Variants in RAB38 observed in about 807,000 individuals in gnomAD.
The protein encoded by RAB38 is ras-related protein Rab-38.
RAB38 carries 15 observed loss-of-function variants against 18.4 expected under a neutral mutation model. The observed-to-expected ratio is 0.82, with a 90% confidence interval of 0.55 to 1.26. The LOEUF is 1.26. RAB38 is among the 50% of genes most tolerant of loss of function. The pLI, the probability that RAB38 is intolerant of heterozygous loss-of-function variation, is 0.00. For synonymous variants in RAB38, 101 were observed against 104.4 expected, an observed-to-expected ratio of 0.97 and a Z score of 0.20; for missense variants, 294 against 267.4, an observed-to-expected ratio of 1.10 and a Z score of -0.69.
the RAB38 span, among the ~76,000 whole-genome samples, chr11:87,819,717 C>T: frequency 8.2e-3 from 11 of 1,338 alleles, no homozygotes; most frequent in African/African-American, 0.02. Flanking sequence ...TATATATATA[C>T]GTGTATGTAT....
chr11:88,174,015 G>C, intron 1 of RAB38: 1 of 985,388 alleles, frequency 1.0e-6, no homozygotes, highest in African/African-American at 1.7e-5. Context: ...TGGCTAGTTT[G>C]GGTCCAGCAC....
chr11:87,861,052 G>A, the RAB38 span, among the ~76,000 whole-genome samples: 3 of 151,990 alleles, frequency 2.0e-5, no homozygotes, highest in Non-Finnish European at 4.4e-5. Flanking sequence ...AAATCTTTAG[G>A]AGAACAACGT....
At chr11:87,819,403 C>G in the RAB38 span, among the ~76,000 whole-genome samples, 1 of 151,332 alleles carries the variant, frequency 6.6e-6, no homozygotes, top group Non-Finnish European at 1.5e-5. Context: ...TCCATAGCAA[C>G]AGGCCACTGA....
At chr11:87,870,585 G>T in the RAB38 span, among the ~76,000 whole-genome samples, 1 of 151,520 alleles carries the variant, frequency 6.6e-6, no homozygotes, top group South Asian at 2.1e-4. Context: ...TTTTAGTTCG[G>T]TGTTTCTAAG....
At chr11:88,028,477 TTGAAAAAA>T in the RAB38 span, among the ~76,000 whole-genome samples, 1 of 152,040 alleles carries the variant, frequency 6.6e-6, no homozygotes, top group African/African-American at 2.4e-5. Context: ...GTTGAAAACT[TTGAAAAAA>T]ATTTAGAAGA....
chr11:87,879,237 G>A, the RAB38 span, among the ~76,000 whole-genome samples: 3 of 151,254 alleles, frequency 2.0e-5, no homozygotes, highest in Non-Finnish European at 4.4e-5. Context: ...TCATGGATAC[G>A]GACTGTATAC....
the RAB38 span, among the ~76,000 whole-genome samples, chr11:87,882,568 T>A: frequency 6.6e-6 from 1 of 151,878 alleles, no homozygotes; most frequent in African/African-American, 2.4e-5. Context: ...CTAGACACTG[T>A]GTTAAATAAT....
the RAB38 span, chr11:87,917,957 A>G: frequency 6.6e-6 from 1 of 152,064 alleles, no homozygotes; most frequent in Non-Finnish European, 1.5e-5. Context: ...AAATTACACC[A>G]TACTGACACA....
At chr11:88,160,828 T>C (rs750870716) in intron 1 of RAB38, among the ~76,000 whole-genome samples, 22 of 152,024 alleles carry the variant, frequency 1.4e-4, no homozygotes, top group Admixed American at 4.6e-4. Flanking sequence ...CAGGCACTAC[T>C]GGAGTGAGAA....
At chr11:87,853,973 T>C in the RAB38 span, among the ~76,000 whole-genome samples, 1 of 152,192 alleles carries the variant, frequency 6.6e-6, no homozygotes. Context: ...CTGGGATTCA[T>C]GTCCCTCTCC....
chr11:88,033,980 G>T, the RAB38 span, among the ~76,000 whole-genome samples: 2 of 152,000 alleles, frequency 1.3e-5, no homozygotes, highest in African/African-American at 4.8e-5. Context: ...GCCCACCTCG[G>T]CCTCCCAAAG....
chr11:87,809,443 G>A, the RAB38 span, among the ~76,000 whole-genome samples: 1 of 152,146 alleles, frequency 6.6e-6, no homozygotes, highest in African/African-American at 2.4e-5. Context: ...GCCAACTTGC[G>A]CTTCCAGCAA....
At chr11:88,174,633 A>AC (rs1270072915) in intron 1 of RAB38, among the ~76,000 whole-genome samples, 7 of 148,954 alleles carry the variant, frequency 4.7e-5, no homozygotes, top group Non-Finnish European at 1.0e-4. Flanking sequence ...AAAAAAAAAA[A>AC]AAAAAAAACA....
chr11:88,166,989 T>G (rs1045019729), intron 1 of RAB38: 2 of 152,168 alleles, frequency 1.3e-5, no homozygotes, highest in Non-Finnish European at 2.9e-5. Context: ...TCCTACCACA[T>G]GTCCAAATAC....
the RAB38 span, among the ~76,000 whole-genome samples, chr11:88,043,722 G>C: frequency 1.3e-5 from 2 of 151,048 alleles, no homozygotes; most frequent in African/African-American, 4.9e-5. Context: ...GACTCAGCCC[G>C]CCTGCACCCA....
chr11:88,108,554 T>A (rs1342600082), downstream of RAB38, among the ~76,000 whole-genome samples: 1 of 152,172 alleles, frequency 6.6e-6, no homozygotes, highest in African/African-American at 2.4e-5. Flanking sequence ...ATGAGATGGG[T>A]CTCCTGAATA....
the RAB38 span, among the ~76,000 whole-genome samples, chr11:87,957,302 C>T: frequency 6.6e-6 from 1 of 152,070 alleles, no homozygotes; most frequent in African/African-American, 2.4e-5. Context: ...CTGCTTCTCT[C>T]CCCTCACCCC....
the RAB38 span, among the ~76,000 whole-genome samples, chr11:88,048,807 G>A: frequency 0.018 from 2,812 of 152,136 alleles, 63 homozygotes; most frequent in Admixed American, 0.06. Flanking sequence ...TCCCCAAACC[G>A]CCACTCTAAA....
chr11:87,935,397 C>T, the RAB38 span, among the ~76,000 whole-genome samples: 215 of 152,162 alleles, frequency 1.4e-3, no homozygotes, highest in African/African-American at 5.1e-3. Flanking sequence ...CCCTCTTCAC[C>T]CCCATCCTTT....
Sources: allele counts gnomAD v4.1 joint callset (sites outside exome capture counted in the v4.1 genomes callset), GRCh38; gene constraint gnomAD v4.1.1; transcripts MANE v1.5; gene names NCBI Gene and HGNC (gene_info 2026-07-23, HGNC 2026-07-21).